Variants in SLC11A2 observed in about 807,000 individuals in gnomAD.
SLC11A2 encodes the protein natural resistance-associated macrophage protein 2.
Under a neutral mutation model 68.0 loss-of-function variants are expected in SLC11A2, and 38 were observed. The observed-to-expected ratio is 0.56, with a 90% CI of 0.43 to 0.73. SLC11A2 has a LOEUF of 0.73. SLC11A2 is among the 30% of genes least tolerant of loss of function. The pLI is 0.00. For missense variants in SLC11A2, 517 were observed against 690.5 expected (o/e 0.75, Z 2.82); for synonymous variants, 242 against 250.6 (o/e 0.97, Z 0.32).
In SLC11A2 at chr12:51,015,101, G is replaced by A. The variant is rs150495990; in HGVS notation, c.-38-4335C>T. On this transcript the variant is annotated intron_variant, in intron 1 of 15. Transcript: ENST00000262052. ...CTTGAACCCGGGAGGTGGAGGTTGC[G>A]GTGAGCCAATATTGCACCACTGCAC... is the stretch of plus-strand genomic sequence containing the variant. 5.9e-3 allele frequency among the ~76,000 whole-genome samples: 867 copies of A among 146,954 alleles called. 4 individuals carry two copies. Among genetic ancestry groups the A allele is most frequent in the East Asian group, 0.037 (181 of 4,872 alleles).
At chr12:50,959,632 T>C in the SLC11A2 span, among the ~76,000 whole-genome samples, 4 of 151,626 alleles carry the variant, frequency 2.6e-5, no homozygotes, top group South Asian at 2.1e-4. Context: ...GGTTTATTTT[T>C]GTCGTTGTTG....
the SLC11A2 span, among the ~76,000 whole-genome samples, chr12:50,968,398 T>G: frequency 6.6e-5 from 10 of 151,838 alleles, no homozygotes; most frequent in Admixed American, 5.9e-4. Flanking sequence ...TTTGTGTGTG[T>G]GTGGGGGGAG....
intron 11 of SLC11A2, among the ~76,000 whole-genome samples, chr12:50,994,209 T>G (rs1941480608): frequency 6.6e-6 from 1 of 151,886 alleles, no homozygotes; most frequent in African/African-American, 2.4e-5. Context: ...TCCAGCTAAT[T>G]TTTGTATTTT....
downstream of SLC11A2, among the ~76,000 whole-genome samples, chr12:50,983,689 T>C (rs1261589856): frequency 7.2e-5 from 11 of 151,998 alleles, no homozygotes; most frequent in East Asian, 1.9e-3. Flanking sequence ...AATACAAAAA[T>C]TAGCCAGGTG....
At chr12:51,011,552 G>GTGTTTT in intron 1 of SLC11A2, among the ~76,000 whole-genome samples, 1 of 125,234 alleles carries the variant, frequency 8.0e-6, no homozygotes, top group African/African-American at 2.9e-5. Context: ...TTTATGAGTT[G>GTGTTTT]TTTTTTTTTG....
chr12:50,995,052 T>C, intron 10 of SLC11A2: 1 of 264,726 alleles, frequency 3.8e-6, no homozygotes, highest in Non-Finnish European at 7.3e-6. Context: ...AGCTCACGCC[T>C]GTAATCCCTG....
intron 1 of SLC11A2, among the ~76,000 whole-genome samples, chr12:51,020,734 A>G (rs1483461507): frequency 6.6e-6 from 1 of 152,224 alleles, no homozygotes; most frequent in South Asian, 2.1e-4. Flanking sequence ...CCTGTACTGA[A>G]CATATACACC....
In SLC11A2 at chr12:50,987,485, C is replaced by T. The variant is rs1186724025; in HGVS notation, c.*840G>A. ...AACATCAGTTCATAAATACTACCATCTGTTTCTATCACCACCCTCCTGGAG... is the reference window on the plus strand; with the variant it reads ...AACATCAGTTCATAAATACTACCATTTGTTTCTATCACCACCCTCCTGGAG... On this transcript the variant is annotated 3_prime_UTR_variant, in exon 16 of 16. Transcript: ENST00000262052. 1 of 1,287,096 alleles carries T rather than the reference C, an allele frequency of 7.8e-7. No homozygotes were observed. The highest frequency in any genetic ancestry group is 1.5e-5 in the African/African-American group (1 of 65,800). 79.7% of individuals were successfully genotyped at this position (1,287,096 alleles called of 1,614,324 possible).
intron 3 of SLC11A2, 49 bp downstream of exon 3, chr12:51,008,427 C>G (rs1426782356): frequency 6.5e-7 from 1 of 1,546,362 alleles, no homozygotes; most frequent in Non-Finnish European, 8.9e-7. Flanking sequence ...CTTTCACTCA[C>G]AGGTTTTCCC....
intron 3 of SLC11A2, chr12:51,008,259 T>TAGAC (rs1161728161): frequency 1.1e-4 from 17 of 149,874 alleles, no homozygotes; most frequent in African/African-American, 5.0e-4. Context: ...GATAGATAGA[T>TAGAC]AGACGGACAG....
chr12:50,992,106 A>C, intron 13 of SLC11A2, 84 bp downstream of exon 13: 3 of 1,329,792 alleles, frequency 2.3e-6, no homozygotes, highest in Non-Finnish European at 3.2e-6. Flanking sequence ...ATATCCCCCC[A>C]GCACTCAGCT....
At position 50,996,911 on chromosome 12, in the gene SLC11A2, G is replaced by A; in HGVS notation, c.737C>T (p.Ser246Leu). The A allele has an allele frequency of 6.2e-7, 1 of 1,614,042 alleles. No homozygotes were observed. Among genetic ancestry groups the A allele is most frequent in the Non-Finnish European group, 8.5e-7 (1 of 1,179,950 alleles). The change falls in exon 9 of 16, where the codon TCA (serine) becomes TTA (leucine). Residue 246 changes from serine to leucine, a missense_variant. Coordinates refer to ENST00000262052, the MANE Select transcript of SLC11A2 (RefSeq NM_000617.3). ...TTCAATCTGTGGAGTGCGACAGCCT[G>A]AACAGGATGGTACGAACATGCCCTT... is the stretch of plus-strand genomic sequence containing the variant. ...VLKGMFVPSC[S>L]GCRTPQIEQA...
At chr12:50,966,425 G>A in the SLC11A2 span, among the ~76,000 whole-genome samples, 1 of 152,150 alleles carries the variant, frequency 6.6e-6, no homozygotes. Flanking sequence ...ATTCTTCTTT[G>A]TTGTGGAGGA....
chr12:50,983,710 C>T (rs1312547334), downstream of SLC11A2, among the ~76,000 whole-genome samples: 1 of 152,064 alleles, frequency 6.6e-6, no homozygotes, highest in Admixed American at 6.6e-5. Flanking sequence ...CAGTGGCTCA[C>T]GTTTGTAATC....
the SLC11A2 span, among the ~76,000 whole-genome samples, chr12:50,956,795 C>T: frequency 2.0e-5 from 3 of 152,096 alleles, no homozygotes; most frequent in African/African-American, 7.2e-5. Context: ...ATCTTTGTGT[C>T]ATTTTCTTGA....
chr12:50,974,543 T>C (rs1204190092), downstream of SLC11A2, among the ~76,000 whole-genome samples: 1 of 152,128 alleles, frequency 6.6e-6, no homozygotes, highest in Non-Finnish European at 1.5e-5. Context: ...ACATGCCAAA[T>C]TGTAAAGACC....
At chr12:51,005,696 T>A (rs1021504811) in intron 3 of SLC11A2, 1 of 1,317,116 alleles carries the variant, frequency 7.6e-7, no homozygotes, top group East Asian at 4.8e-5. Context: ...AGAATAACAG[T>A]ATCAGTACCT....
chr12:51,008,878 G>T (rs889104691), intron 2 of SLC11A2, among the ~76,000 whole-genome samples: 2 of 151,492 alleles, frequency 1.3e-5, no homozygotes, highest in Admixed American at 1.3e-4. Flanking sequence ...CCCTCCCCCA[G>T]TCACTCAATT....
At chr12:51,003,188 T>C (rs1352747176) in intron 5 of SLC11A2, among the ~76,000 whole-genome samples, 1 of 151,718 alleles carries the variant, frequency 6.6e-6, no homozygotes, top group Non-Finnish European at 1.5e-5. Flanking sequence ...TGAGCTGAGA[T>C]CACGCCACTG....
Sources: gnomAD v4.1 joint callset for allele counts (sites outside exome capture counted in the v4.1 genomes callset) on GRCh38, gnomAD v4.1.1 for gene constraint, MANE v1.5 for transcripts, NCBI Gene and HGNC (gene_info 2026-07-23, HGNC 2026-07-21) for gene names.